EXOC5: variants seen among roughly 807,000 people sequenced by gnomAD.
EXOC5 encodes SEC10-like 1.
EXOC5 carries 17 observed loss-of-function variants against 90.8 expected under a neutral mutation model. That is an observed-to-expected ratio of 0.19 (90% CI 0.13 to 0.28). The LOEUF (loss-of-function observed/expected upper bound fraction) is 0.28, where lower values mean the gene tolerates loss of function less well. Among genes scored for constraint, EXOC5 ranks in the 10% least tolerant of loss-of-function variants. EXOC5 has a pLI of 1.00. For synonymous variants in EXOC5, 260 were observed against 270.0 expected (o/e 0.96, Z 0.36); for missense variants, 569 against 830.6 (o/e 0.69, Z 3.87).
chr14:57,210,260 G>C (rs1882787569), intron 15 of EXOC5, among the ~76,000 whole-genome samples, 199 bp from the exon 16 acceptor site: 2 of 152,034 alleles, frequency 1.3e-5, no homozygotes, highest in African/African-American at 2.4e-5. Context: ...TTTATTATCT[G>C]TCTGCTCAAA....
chr14:57,264,922 C>T (rs558146457), intron 1 of EXOC5, among the ~76,000 whole-genome samples: 113 of 152,222 alleles, frequency 7.4e-4, no homozygotes, highest in Non-Finnish European at 1.0e-3. Context: ...ATACTTAATT[C>T]TATTTTCCAA....
In EXOC5 at chr14:57,205,234, T is replaced by C. The variant is rs867731374; in HGVS notation, c.*3375A>G. 6.6e-6 allele frequency: 1 copy of C among 152,084 alleles called. No homozygotes were observed. Among genetic ancestry groups the C allele is most frequent in the Non-Finnish European group, 1.5e-5 (1 of 67,928 alleles). 9.4% of individuals were successfully genotyped at this position (152,084 alleles called of 1,614,324 possible). On this transcript the variant is annotated 3_prime_UTR_variant, in exon 18 of 18. Transcript: ENST00000621441. ...TTTAAATTGCTAACTTTTAACTTCATGTAGAATTATTCAGTCTAACAATAT... is the reference window on the plus strand; with the variant it reads ...TTTAAATTGCTAACTTTTAACTTCACGTAGAATTATTCAGTCTAACAATAT...
chr14:57,226,370 G>A (rs1399076806), intron 12 of EXOC5, among the ~76,000 whole-genome samples: 1 of 152,110 alleles, frequency 6.6e-6, no homozygotes, highest in Non-Finnish European at 1.5e-5. Flanking sequence ...TATAGACTAA[G>A]TAAGTTAAAC....
rs572743436 is a variant in EXOC5 at position 57,260,231 on chromosome 14, A to G, written c.27+8391T>C. Among the ~76,000 whole-genome samples, 208 of 152,312 alleles carry G rather than the reference A, an allele frequency of 1.4e-3. No individual in the cohort carries two copies. In the South Asian group the frequency reaches 0.015, roughly 11 times the overall value. ...TACTGAGTTTTTAAAAAAGCACCAC[A>G]AAATATTTTGTCTCAGGCTAGCAAA... On this transcript the variant is annotated intron_variant, in intron 1 of 17. Coordinates refer to ENST00000621441, the MANE Select transcript of EXOC5 (RefSeq NM_006544.4).
chr14:57,242,447 T>G lies in EXOC5; in HGVS notation c.465+1718A>C, dbSNP rs115857712. Among the ~76,000 whole-genome samples the G allele has an allele frequency of 7.9e-3, 1,207 of 151,880 alleles. 20 individuals carry two copies. The highest frequency in any genetic ancestry group is 0.027 in the African/African-American group (1,121 of 41,390). ...TTGGTAGAGATGCGGTTTCACCATGTTGCCCGGGCTGGTTTCAAACTCCTA... is the reference window on the plus strand; with the variant it reads ...TTGGTAGAGATGCGGTTTCACCATGGTGCCCGGGCTGGTTTCAAACTCCTA... On this transcript the variant is annotated intron_variant, in intron 4 of 17. Transcript: ENST00000621441.
At chr14:57,229,538 A>G (rs765370266) in intron 12 of EXOC5, among the ~76,000 whole-genome samples, 196 bp downstream of exon 12, 4 of 152,182 alleles carry the variant, frequency 2.6e-5, no homozygotes, top group Non-Finnish European at 5.9e-5. Flanking sequence ...AATAATATAT[A>G]TAAATAATTA....
At chr14:57,234,254 T>C (rs970246827) in intron 7 of EXOC5, among the ~76,000 whole-genome samples, 5 of 152,060 alleles carry the variant, frequency 3.3e-5, no homozygotes, top group African/African-American at 1.2e-4. Context: ...AGTTGGTACA[T>C]ATCCTTGTTG....
At chr14:57,213,596 T>A (rs1215892278) in intron 15 of EXOC5, among the ~76,000 whole-genome samples, 2 of 151,660 alleles carry the variant, frequency 1.3e-5, no homozygotes, top group Admixed American at 1.3e-4. Context: ...TTAGTAGAGA[T>A]GGGGTTTCAC....
At position 57,219,450 on chromosome 14, in the gene EXOC5, C is replaced by T; in HGVS notation, c.1406-8G>A. 1 of 1,567,354 alleles carries T rather than the reference C, an allele frequency of 6.4e-7. No individual in the cohort carries two copies. The highest frequency in any genetic ancestry group is 8.6e-7 in the Non-Finnish European group (1 of 1,158,696). On this transcript the variant is annotated splice_polypyrimidine_tract_variant and splice_region_variant and intron_variant, in intron 13 of 17. Transcript: ENST00000621441. ...AATCTGAAGAGGGAATTCCTAAAACCAGAAAGCATACATATGTTAGAATCA... is the reference window on the plus strand; with the variant it reads ...AATCTGAAGAGGGAATTCCTAAAACTAGAAAGCATACATATGTTAGAATCA...
Position 57,232,726 on chromosome 14 carries a change from T to G in EXOC5, c.879A>C (p.Glu293Asp). 6.5e-7 allele frequency: 1 copy of G among 1,541,754 alleles called. No individual in the cohort carries two copies. The highest frequency in any genetic ancestry group is 1.2e-5 in the South Asian group (1 of 84,758). The change falls in exon 10 of 18, where the codon GAA becomes GAC. Residue 293 changes from glutamate (E) to aspartate (D), a missense_variant. Physicochemically the swap from Glu to Asp is conservative, Grantham distance 45. Coordinates refer to ENST00000621441, the MANE Select transcript of EXOC5 (RefSeq NM_006544.4). ...GCTCTGCATCGGACTTCCTACATTCTTCTAACTGCTCTTTCACAAAACTCT... is the reference window on the plus strand; with the variant it reads ...GCTCTGCATCGGACTTCCTACATTCGTCTAACTGCTCTTTCACAAAACTCT... ...KLQSFVKEQL[E>D]ECRKSDAEQY...
chr14:57,222,228 A>C (rs1594654005), intron 13 of EXOC5, 80 bp downstream of exon 13: 6 of 660,316 alleles, frequency 9.1e-6, no homozygotes, highest in Non-Finnish European at 1.5e-5. Flanking sequence ...AGATGATTAT[A>C]AGCAAAACAA....
rs1882501039 is a variant in EXOC5, at chr14:57,201,467, T to TAAACACAC, written c.*7141_*7142insGTGTGTTT. Reference sequence around the variant, plus strand: ...GTGTGTATATATACACACGCGTGTATATGTACACACACGTGTATAAACACA... The same window carrying TAAACACAC: ...GTGTGTATATATACACACGCGTGTATAAACACACATGTACACACACGTGTATAAACACA... On this transcript the variant is annotated 3_prime_UTR_variant, in exon 18 of 18. Coordinates refer to ENST00000621441, the MANE Select transcript of EXOC5 (RefSeq NM_006544.4). 7.0e-6 allele frequency: 1 copy of TAAACACAC among 141,990 alleles called. No individual in the cohort carries two copies. Among genetic ancestry groups the TAAACACAC allele is most frequent in the African/African-American group, 2.9e-5 (1 of 34,498 alleles). 8.8% of individuals were successfully genotyped at this position (141,990 alleles called of 1,614,324 possible). A position where few individuals can be genotyped will look rare whatever the true frequency, so the allele number is the denominator to read the frequency against.
At chr14:57,210,108 T>G in intron 15 of EXOC5, 47 bp from the exon 16 acceptor site, 1 of 770,338 alleles carries the variant, frequency 1.3e-6, no homozygotes, top group Admixed American at 2.5e-5. Flanking sequence ...TAACTTACTC[T>G]ATGTTTATGT....
chr14:57,233,630 T>C (rs986148261), intron 9 of EXOC5, 113 bp downstream of exon 9: 1 of 647,878 alleles, frequency 1.5e-6, no homozygotes, highest in African/African-American at 1.8e-5. Flanking sequence ...ACTAGATTAC[T>C]ATTTCTAAGG....
At position 57,247,721 on chromosome 14, in the gene EXOC5, C is replaced by CA. The variant is rs1164685127; in HGVS notation, c.28-10dup. 8 of 1,438,046 alleles carry CA rather than the reference C, an allele frequency of 5.6e-6. No homozygotes were observed. The highest frequency in any genetic ancestry group is 6.6e-6 in the Non-Finnish European group (7 of 1,063,348). 89.1% of individuals were successfully genotyped at this position (1,438,046 alleles called of 1,614,324 possible). A position where few individuals can be genotyped will look rare whatever the true frequency, so the allele number is the denominator to read the frequency against. On this transcript the variant is annotated splice_polypyrimidine_tract_variant and intron_variant, in intron 1 of 17. Coordinates refer to ENST00000621441, the MANE Select transcript of EXOC5 (RefSeq NM_006544.4). The stretch of plus-strand genomic sequence containing the variant: ...TCTGCCACAAAAGGCTCCTAGTTTA[C>CA]AAAAAAATACGCTTTAACAAAGTTT...
At chr14:57,215,760 T>C (rs774314678) in intron 15 of EXOC5, among the ~76,000 whole-genome samples, 1 of 152,086 alleles carries the variant, frequency 6.6e-6, no homozygotes, top group African/African-American at 2.4e-5. Flanking sequence ...TCCTCTAACA[T>C]CAGGAACAAG....
At chr14:57,254,465 A>G (rs1884288125) in intron 1 of EXOC5, among the ~76,000 whole-genome samples, 1 of 152,088 alleles carries the variant, frequency 6.6e-6, no homozygotes, top group South Asian at 2.1e-4. Flanking sequence ...CAACATTACT[A>G]ATATTTAGGG....
chr14:57,204,209 A>G lies in EXOC5; in HGVS notation c.*4400T>C, dbSNP rs1882583365. On this transcript the variant is annotated 3_prime_UTR_variant, in exon 18 of 18. Coordinates refer to ENST00000621441, the MANE Select transcript of EXOC5 (RefSeq NM_006544.4). ...CCTCGGGTCTAGTTCAAAAATAGGA[A>G]TTTTGTTAAGCCCAGGGGCAGCCTA... The G allele has an allele frequency of 6.6e-6, 1 of 152,176 alleles. No homozygotes were observed. The highest frequency in any genetic ancestry group is 2.1e-4 in the South Asian group (1 of 4,836). 9.4% of individuals were successfully genotyped at this position (152,176 alleles called of 1,614,324 possible).
intron 4 of EXOC5, chr14:57,243,457 T>C (rs1370628404): frequency 6.6e-6 from 1 of 152,230 alleles, no homozygotes; most frequent in Non-Finnish European, 1.5e-5. Flanking sequence ...TCAGGAAGAC[T>C]GTATTCAATA....
Sources: gnomAD v4.1 joint callset for allele counts (sites outside exome capture counted in the v4.1 genomes callset) on GRCh38, gnomAD v4.1.1 for gene constraint, MANE v1.5 for transcripts, NCBI Gene and HGNC (gene_info 2026-07-23, HGNC 2026-07-21) for gene names.